Variants in MCOLN1 observed in about 807,000 individuals in gnomAD.
MCOLN1 encodes mucolipin TRP cation channel 1, also known as mucolipin-1.
In MCOLN1, 50 loss-of-function variants were observed where a neutral mutation model predicts 70.3. That is an observed-to-expected ratio of 0.71 (90% CI 0.57 to 0.90). The LOEUF is 0.90. Among genes scored for constraint, MCOLN1 ranks in the 40% least tolerant of loss-of-function variants. MCOLN1 has a pLI of 0.00. For synonymous variants in MCOLN1, 366 were observed against 341.0 expected (o/e 1.07, Z -0.81); for missense variants, 598 against 803.5 (o/e 0.74, Z 3.09).
In MCOLN1 at chr19:7,524,633, C is replaced by A. The variant is rs765505514; in HGVS notation, c.32-328C>A. On this transcript the variant is annotated intron_variant, in intron 1 of 13. Coordinates refer to ENST00000264079, the MANE Select transcript of MCOLN1 (RefSeq NM_020533.3). The surrounding 1 kb of genome is among the most constrained non-coding windows in gnomAD (Gnocchi z 4.1). ...GCCCCTGTGATCAATGCTTCATAAG[C>A]ATCCAGTCCTTAGCGTTCCCATGAG... Among the ~76,000 whole-genome samples the A allele has an allele frequency of 7.2e-5, 11 of 152,202 alleles. No individual in the cohort carries two copies. Among genetic ancestry groups the A allele is most frequent in the South Asian group, 2.1e-4 (1 of 4,832 alleles).
chr19:7,526,306 G>A lies in MCOLN1; in HGVS notation c.238-133G>A, dbSNP rs942704463. The A allele has an allele frequency of 2.0e-5, 21 of 1,033,224 alleles. No individual in the cohort carries two copies. Among genetic ancestry groups the A allele is most frequent in the Non-Finnish European group, 3.0e-5 (20 of 661,856 alleles). 64.0% of individuals were successfully genotyped at this position (1,033,224 alleles called of 1,614,324 possible). On this transcript the variant is annotated intron_variant, in intron 2 of 13. Coordinates refer to ENST00000264079, the MANE Select transcript of MCOLN1 (RefSeq NM_020533.3). The surrounding 1 kb of genome is among the most constrained non-coding windows in gnomAD (Gnocchi z 4.6). The stretch of plus-strand genomic sequence containing the variant: ...AGTGAAATCCGTGTTTGTGGCCCAA[G>A]TTAGCAGGGCCCTGCCCCACCCCAG...
intron 12 of MCOLN1, among the ~76,000 whole-genome samples, chr19:7,531,067 T>A (rs900883924): frequency 6.6e-6 from 1 of 151,788 alleles, no homozygotes; most frequent in Non-Finnish European, 1.5e-5. Flanking sequence ...AAAGTATTGT[T>A]CTTTATTTTA....
At position 7,527,855 on chromosome 19, in the gene MCOLN1, C is replaced by G. The variant is rs1265773324; in HGVS notation, c.681-9C>G. 1 of 1,611,884 alleles carries G rather than the reference C, an allele frequency of 6.2e-7. No homozygotes were observed. The highest frequency in any genetic ancestry group is 1.1e-5 in the South Asian group (1 of 91,036). ...ACGCCCCTGACCCTCACCCGAGCCT[C>G]CTGCCTAGGCTGGTCAATGTCACCA... is the stretch of plus-strand genomic sequence containing the variant. On this transcript the variant is annotated splice_polypyrimidine_tract_variant and intron_variant, in intron 5 of 13. Transcript: ENST00000264079.
Position 7,533,823 on chromosome 19 carries a change from G to A in MCOLN1, c.*28G>A, listed in dbSNP as rs778435227. On this transcript the variant is annotated 3_prime_UTR_variant, in exon 14 of 14. Transcript: ENST00000264079. ...CGACCTGACTGCCGTTGGACCGTAG[G>A]CCCTGGACTGCAGAGACCCCCGCCC... 25 of 1,613,748 alleles carry A rather than the reference G, an allele frequency of 1.5e-5. 1 individual carries two copies. The South Asian group carries it at 2.4e-4, about 16-fold the overall frequency.
At position 7,533,781 on chromosome 19, in the gene MCOLN1, C is replaced by T. The variant is rs1276758767; in HGVS notation, c.1729C>T (p.Leu577=). The T allele has an allele frequency of 1.2e-6, 2 of 1,614,086 alleles. No homozygotes were observed. Among genetic ancestry groups the T allele is most frequent in the Non-Finnish European group, 1.7e-6 (2 of 1,180,042 alleles). ...CGRDPSEEHS[L]LVN ...CAGGGACCCCTCGGAGGAGCATTCG[C>T]TGCTGGTGAATTGATTCGACCTGAC... The change falls in exon 14 of 14, where the codon CTG becomes TTG. Residue 577 remains leucine (L), a synonymous_variant. Transcript: ENST00000264079.
At chr19:7,527,836 C>CT in intron 5 of MCOLN1, 28 bp from the exon 6 acceptor site, 1 of 1,581,496 alleles carries the variant, frequency 6.3e-7, no homozygotes, top group Non-Finnish European at 8.7e-7. Flanking sequence ...GAAGACGCCC[C>CT]TGACCCTCAC....
At chr19:7,529,467 C>A in intron 10 of MCOLN1, 123 bp from the exon 11 acceptor site, 1 of 1,293,190 alleles carries the variant, frequency 7.7e-7, no homozygotes, top group Non-Finnish European at 1.1e-6. Context: ...CACCCACTGG[C>A]TCCCATGACC....
chr19:7,527,641 C>G lies in MCOLN1; in HGVS notation c.680+13C>G. The G allele has an allele frequency of 1.9e-6, 3 of 1,567,164 alleles. No homozygotes were observed. Among genetic ancestry groups the G allele is most frequent in the Non-Finnish European group, 2.6e-6 (3 of 1,137,012 alleles). On this transcript the variant is annotated intron_variant, in intron 5 of 13. Coordinates refer to ENST00000264079, the MANE Select transcript of MCOLN1 (RefSeq NM_020533.3). The stretch of plus-strand genomic sequence containing the variant: ...TCAAATTCCACAAGTACTGCCTGCT[C>G]ACTCGAGGGGGGCCCAGGGTGGGGG...
At position 7,526,523 on chromosome 19, in the gene MCOLN1, G is replaced by A; in HGVS notation, c.322G>A (p.Gly108Ser). 6.2e-7 allele frequency: 1 copy of A among 1,614,224 alleles called. No individual in the cohort carries two copies. Among genetic ancestry groups the A allele is most frequent in the East Asian group, 2.2e-5 (1 of 44,890 alleles). ...TIAFRHLFLL[G>S]YSDGADDTFA... is the part of the protein sequence containing the mutation. ...CGCCTTCCGACACCTCTTCCTGCTG[G>A]GCTACTCGGACGGAGCGGATGACAC... Residue 108 changes from glycine (G) to serine (S), a missense_variant, in exon 3 of 14, where the codon GGC (glycine) becomes AGC (serine). By Grantham distance (56) the Gly-to-Ser change is moderately conservative (BLOSUM62 0). Around this residue, in one of 3 missense-constraint regions of MCOLN1, gnomAD observed 461 missense variants for 588.4 expected, o/e 0.78. Coordinates refer to ENST00000264079, the MANE Select transcript of MCOLN1 (RefSeq NM_020533.3). The surrounding 1 kb of genome is among the most constrained non-coding windows in gnomAD (Gnocchi z 4.6).
Position 7,529,580 on chromosome 19 carries a change from C to T in MCOLN1, c.1237-10C>T, listed in dbSNP as rs770530839. On this transcript the variant is annotated splice_polypyrimidine_tract_variant and intron_variant, in intron 10 of 13. Coordinates refer to ENST00000264079, the MANE Select transcript of MCOLN1 (RefSeq NM_020533.3). ...ACACCCTCAACGAGGCTCCCTCTGCCCCAACCCAGATCCTCATCGCCACAC... is the reference window on the plus strand; with the variant it reads ...ACACCCTCAACGAGGCTCCCTCTGCTCCAACCCAGATCCTCATCGCCACAC... The T allele has an allele frequency of 6.2e-7, 1 of 1,612,774 alleles. No homozygotes were observed. Among genetic ancestry groups the T allele is most frequent in the Non-Finnish European group, 8.5e-7 (1 of 1,179,632 alleles).
rs768174301 is a variant in MCOLN1, at chr19:7,526,424, C to T, written c.238-15C>T. 1.2e-6 allele frequency: 2 copies of T among 1,614,262 alleles called. No individual in the cohort carries two copies. Among genetic ancestry groups the T allele is most frequent in the Non-Finnish European group, 8.5e-7 (1 of 1,180,038 alleles). The stretch of plus-strand genomic sequence containing the variant: ...CCCATCCTAGCCATGCCAACCTCTA[C>T]TACCCTCTCCCCAGCTCATCCTGTT... On this transcript the variant is annotated splice_polypyrimidine_tract_variant and intron_variant, in intron 2 of 13. Coordinates refer to ENST00000264079, the MANE Select transcript of MCOLN1 (RefSeq NM_020533.3). The surrounding 1 kb of genome is among the most constrained non-coding windows in gnomAD (Gnocchi z 4.6).
Position 7,526,723 on chromosome 19 carries a change from G to C in MCOLN1, c.406-38G>C, listed in dbSNP as rs45513896. ...TGCAGGTGGGTGGGCTGCAGAGAGC[G>C]GGCCGGACTCACAGGCCCTCCCCTT... On this transcript the variant is annotated intron_variant, in intron 3 of 13. Transcript: ENST00000264079. This position sits in a 1 kb window ranked among gnomAD's most constrained non-coding sequence, Gnocchi z 4.6. 1.2e-6 allele frequency: 2 copies of C among 1,610,550 alleles called. No homozygotes were observed. The highest frequency in any genetic ancestry group is 1.3e-5 in the African/African-American group (1 of 74,836).
At position 7,529,094 on chromosome 19, in the gene MCOLN1, C is replaced by A. The variant is rs564741781; in HGVS notation, c.1135-7C>A. The A allele has an allele frequency of 5.6e-6, 9 of 1,613,932 alleles. 1 individual carries two copies. The South Asian group carries it at 9.9e-5, about 18-fold the overall frequency. ...GCCAGATAGGTTGACGCAGCTCCCA[C>A]CCGCAGAACTTGGCGAGCTACGACG... On this transcript the variant is annotated splice_region_variant and splice_polypyrimidine_tract_variant and intron_variant, in intron 9 of 13. Coordinates refer to ENST00000264079, the MANE Select transcript of MCOLN1 (RefSeq NM_020533.3).
Position 7,526,405 on chromosome 19 carries a change from C to T in MCOLN1, c.238-34C>T. On this transcript the variant is annotated intron_variant, in intron 2 of 13. Transcript: ENST00000264079. The surrounding 1 kb of genome is among the most constrained non-coding windows in gnomAD (Gnocchi z 4.6). ...AGGGAGATACACCCCAACCCCCATC[C>T]TAGCCATGCCAACCTCTACTACCCT... 1 of 1,613,980 alleles carries T rather than the reference C, an allele frequency of 6.2e-7. No homozygotes were observed. Among genetic ancestry groups the T allele is most frequent in the Non-Finnish European group, 8.5e-7 (1 of 1,179,812 alleles).
rs776715003 is a variant in MCOLN1 at position 7,527,499 on chromosome 19, T to C, written c.572-21T>C. ...GGCCTCCCCGGCCCCCTGAGGCCCT[T>C]CCCTGACTCCCTGTCCTTAGACTGC... On this transcript the variant is annotated intron_variant, in intron 4 of 13. Coordinates refer to ENST00000264079, the MANE Select transcript of MCOLN1 (RefSeq NM_020533.3). 5 of 1,156,910 alleles carry C rather than the reference T, an allele frequency of 4.3e-6. No individual in the cohort carries two copies. The Admixed American group carries it at 8.4e-5, about 19-fold the overall frequency. 71.7% of individuals were successfully genotyped at this position (1,156,910 alleles called of 1,614,324 possible).
chr19:7,527,768 C>A, intron 5 of MCOLN1, 96 bp from the exon 6 acceptor site: 2 of 1,181,692 alleles, frequency 1.7e-6, no homozygotes, highest in South Asian at 1.2e-5. Flanking sequence ...ACTTCCCCTG[C>A]CAGCTGCAGA....
chr19:7,532,367 G>A (rs901824475), intron 12 of MCOLN1, among the ~76,000 whole-genome samples: 2 of 151,852 alleles, frequency 1.3e-5, no homozygotes, highest in Non-Finnish European at 2.9e-5. Flanking sequence ...CTTCTAGAAT[G>A]TTCTATCCAT....
At chr19:7,527,722 G>A (rs750958405) in intron 5 of MCOLN1, 94 bp downstream of exon 5, 6 of 1,090,222 alleles carry the variant, frequency 5.5e-6, no homozygotes, top group Non-Finnish European at 8.5e-6. Flanking sequence ...GTGGGGACAG[G>A]GCCCCCCCGC....
chr19:7,523,848 G>A (rs367804428), intron 1 of MCOLN1, among the ~76,000 whole-genome samples: 1 of 151,858 alleles, frequency 6.6e-6, no homozygotes, highest in Admixed American at 6.6e-5. Flanking sequence ...TCAGGGAGAG[G>A]GTGGACTTTT....
Sources: gnomAD v4.1 joint callset for allele counts (sites outside exome capture counted in the v4.1 genomes callset) on GRCh38, gnomAD v4.1.1 for gene constraint, gnomAD v4.1.1 regional missense constraint, Gnocchi (gnomAD v3.1) non-coding constraint, MANE v1.5 for transcripts, NCBI Gene and HGNC (gene_info 2026-07-23, HGNC 2026-07-21) for gene names.